CREBZF: variants seen among roughly 807,000 people sequenced by gnomAD.
The protein encoded by CREBZF is CREB/ATF bZIP transcription factor, also known as HCF-binding transcription factor Zhangfei.
In CREBZF, 8 loss-of-function variants were observed where a neutral mutation model predicts 21.1. The ratio of observed to expected loss-of-function variants is 0.38; its 90% CI spans 0.22 to 0.68. The LOEUF (loss-of-function observed/expected upper bound fraction) is 0.68. Ranked by LOEUF, CREBZF falls within the 30% of genes least tolerant of loss-of-function variation. The pLI, the probability that CREBZF is intolerant of heterozygous loss-of-function variation, is 0.51. For synonymous variants in CREBZF, 270 were observed against 223.3 expected (o/e 1.21, Z -1.86); for missense variants, 518 against 484.3 (o/e 1.07, Z -0.65).
At position 85,664,705 on chromosome 11, in the gene CREBZF, A is replaced by G; in HGVS notation, c.171T>C (p.Phe57=). 1 of 1,603,846 alleles carries G rather than the reference A, an allele frequency of 6.2e-7. No individual in the cohort carries two copies. The highest frequency in any genetic ancestry group is 1.7e-4 in the Middle Eastern group (1 of 5,974). Residue 57 remains phenylalanine (F), a synonymous_variant, in exon 1 of 1, where the codon TTT becomes TTC. Coordinates refer to ENST00000527447, the MANE Select transcript of CREBZF (RefSeq NM_001039618.4). The surrounding 1 kb of genome is among the most constrained non-coding windows in gnomAD (Gnocchi z 5.5). Reference sequence around the variant, plus strand: ...CGGCTTCCAACTCTCCTTCGTCGCCAAACTGCTGCTTGCGGCCGGGAGATC... The same window carrying G: ...CGGCTTCCAACTCTCCTTCGTCGCCGAACTGCTGCTTGCGGCCGGGAGATC... ...AAGSPGRKQQ[F]GDEGELEAGR...
rs1025693757 is a variant in CREBZF at position 85,660,910 on chromosome 11, A to C, written c.*2901T>G. The stretch of plus-strand genomic sequence containing the variant: ...CAGAGGCACATTTAGAAGAAAAACA[A>C]AAGGGTCACCCAAATACTAAATTGT... On this transcript the variant is annotated 3_prime_UTR_variant, in exon 1 of 1. Transcript: ENST00000527447. 1 of 169,318 alleles carries C rather than the reference A, an allele frequency of 5.9e-6. No individual in the cohort carries two copies. The highest frequency in any genetic ancestry group is 2.4e-5 in the African/African-American group (1 of 41,524). 10.5% of individuals were successfully genotyped at this position (169,318 alleles called of 1,614,324 possible).
upstream of CREBZF, among the ~76,000 whole-genome samples, chr11:85,669,038 A>AAAAAAAAAAAAAAG (rs2082892670): frequency 7.8e-6 from 1 of 128,706 alleles, no homozygotes; most frequent in African/African-American, 2.9e-5. Flanking sequence ...AAAAAAAAAA[A>AAAAAAAAAAAAAAG]AAAGAAACAT....
At chr11:85,672,163 C>A (rs1013987508) in intron 1 of CREBZF, among the ~76,000 whole-genome samples, 2 of 152,274 alleles carry the variant, frequency 1.3e-5, no homozygotes, top group African/African-American at 4.8e-5. Context: ...CCCTCTGAAG[C>A]CATAGCCTGA....
intron 1 of CREBZF, among the ~76,000 whole-genome samples, chr11:85,670,307 T>C (rs2082903744): frequency 2.3e-5 from 1 of 44,002 alleles, no homozygotes; most frequent in Non-Finnish European, 3.9e-5. Flanking sequence ...GTTCTTTTTT[T>C]TTTTTTTTTT....
At chr11:85,680,243 T>G (rs1295625510) in intron 1 of CREBZF, among the ~76,000 whole-genome samples, 2 of 152,260 alleles carry the variant, frequency 1.3e-5, no homozygotes, top group African/African-American at 4.8e-5. Context: ...ATCAATACAT[T>G]AACAGCTTCC....
At chr11:85,679,260 A>T (rs903070972) in intron 1 of CREBZF, among the ~76,000 whole-genome samples, 1 of 152,154 alleles carries the variant, frequency 6.6e-6, no homozygotes, top group South Asian at 2.1e-4. Flanking sequence ...TCACTCCTAC[A>T]TTAGGCTGGA....
rs375013609 is a variant in CREBZF at position 85,674,404 on chromosome 11, G to C, written n.147+8313C>G. Among the ~76,000 whole-genome samples the C allele has an allele frequency of 5.3e-5, 8 of 152,278 alleles. No homozygotes were observed. In the East Asian group the frequency reaches 1.5e-3, roughly 29 times the overall value. On this transcript the variant is annotated intron_variant and non_coding_transcript_variant, in intron 1 of 3. Transcript: ENST00000531515. ...TCTGAGCAGCAGTTCTCAACAGTGG[G>C]CTTAAAATATTCAGTAAACCACACT...
rs746885438 is a variant in CREBZF at position 85,660,432 on chromosome 11, A to C, written c.*3379T>G. The C allele has an allele frequency of 6.3e-5, 19 of 303,506 alleles. No homozygotes were observed. Among genetic ancestry groups the C allele is most frequent in the African/African-American group, 1.1e-4 (5 of 44,122 alleles). 18.8% of individuals were successfully genotyped at this position (303,506 alleles called of 1,614,324 possible). The stretch of plus-strand genomic sequence containing the variant: ...ATCTTTTCATATCTCCATTTCTGGA[A>C]AGTGAAATCAGTATAGAAGTAATTT... On this transcript the variant is annotated 3_prime_UTR_variant, in exon 1 of 1. Coordinates refer to ENST00000527447, the MANE Select transcript of CREBZF (RefSeq NM_001039618.4).
At chr11:85,680,246 CA>C (rs1371517411) in intron 1 of CREBZF, among the ~76,000 whole-genome samples, 8 of 152,206 alleles carry the variant, frequency 5.3e-5, no homozygotes, top group Non-Finnish European at 1.2e-4. Context: ...AATACATTAA[CA>C]GCTTCCTTTT....
rs528150107 is a variant in CREBZF, at chr11:85,663,778, G to A, written c.*33C>T. ...GACATGGTGTAAGGGAGTTGAAAGG[G>A]GTAAACGCGGATAAAGAGCAGATTA... On this transcript the variant is annotated 3_prime_UTR_variant, in exon 1 of 1. Coordinates refer to ENST00000527447, the MANE Select transcript of CREBZF (RefSeq NM_001039618.4). The A allele has an allele frequency of 6.3e-7, 1 of 1,581,566 alleles. No individual in the cohort carries two copies. The highest frequency in any genetic ancestry group is 1.2e-5 in the South Asian group (1 of 85,886).
At position 85,664,168 on chromosome 11, in the gene CREBZF, G is replaced by A; in HGVS notation, c.708C>T (p.Val236=). The A allele has an allele frequency of 6.2e-7, 1 of 1,613,448 alleles. No homozygotes were observed. Among genetic ancestry groups the A allele is most frequent in the Non-Finnish European group, 8.5e-7 (1 of 1,180,012 alleles). ...CCTGGTTCTCGGCTGCCAGACCCCGGACTCGACTCTCCAGCCCCATCACGT... is the reference window on the plus strand; with the variant it reads ...CCTGGTTCTCGGCTGCCAGACCCCGAACTCGACTCTCCAGCCCCATCACGT... ...KEYVMGLESR[V]RGLAAENQEL... Residue 236 remains valine (V), a synonymous_variant, in exon 1 of 1, where the codon GTC becomes GTT. Transcript: ENST00000527447. The surrounding 1 kb of genome is among the most constrained non-coding windows in gnomAD (Gnocchi z 5.5).
Position 85,659,244 on chromosome 11 carries a change from A to G in CREBZF, c.*4567T>C, listed in dbSNP as rs56687664. On this transcript the variant is annotated 3_prime_UTR_variant, in exon 1 of 1. Coordinates refer to ENST00000527447, the MANE Select transcript of CREBZF (RefSeq NM_001039618.4). Reference sequence around the variant, plus strand: ...AAGAGTCATCAGATTATTTAGCTTTAAAATTTTACTAAATCAGACCTTAAA... The same window carrying G: ...AAGAGTCATCAGATTATTTAGCTTTGAAATTTTACTAAATCAGACCTTAAA... Among the ~76,000 whole-genome samples the G allele has an allele frequency of 0.061, 9,337 of 152,138 alleles. 935 individuals are homozygous for G. The highest frequency in any genetic ancestry group is 0.21 in the African/African-American group (8,887 of 41,508).
In CREBZF at chr11:85,659,324, A is replaced by G. The variant is rs2082608817; in HGVS notation, c.*4487T>C. Among the ~76,000 whole-genome samples, 1 of 152,090 alleles carries G rather than the reference A, an allele frequency of 6.6e-6. No homozygotes were observed. Among genetic ancestry groups the G allele is most frequent in the South Asian group, 2.1e-4 (1 of 4,834 alleles). On this transcript the variant is annotated 3_prime_UTR_variant, in exon 1 of 1. Coordinates refer to ENST00000527447, the MANE Select transcript of CREBZF (RefSeq NM_001039618.4). Reference sequence around the variant, plus strand: ...TCACATATTAAAAAGGTAATGACTCATTATCAGTGAATTACCCAGTCTGTT... The same window carrying G: ...TCACATATTAAAAAGGTAATGACTCGTTATCAGTGAATTACCCAGTCTGTT...
intron 1 of CREBZF, among the ~76,000 whole-genome samples, chr11:85,675,329 G>A (rs2082935490): frequency 6.6e-6 from 1 of 152,136 alleles, no homozygotes; most frequent in South Asian, 2.1e-4. Flanking sequence ...TCTTTCACTT[G>A]AACACTTAGA....
At position 85,658,704 on chromosome 11, in the gene CREBZF, A is replaced by G. The variant is rs1259604795; in HGVS notation, c.*5107T>C. 1.3e-5 allele frequency among the ~76,000 whole-genome samples: 2 copies of G among 151,980 alleles called. No homozygotes were observed. The highest frequency in any genetic ancestry group is 4.8e-5 in the African/African-American group (2 of 41,424). ...TTAAATTAAGACAATATATTTTATAAAGCCCAAATTATAGTACACTAAGAG... is the reference window on the plus strand; with the variant it reads ...TTAAATTAAGACAATATATTTTATAGAGCCCAAATTATAGTACACTAAGAG... On this transcript the variant is annotated 3_prime_UTR_variant, in exon 1 of 1. Transcript: ENST00000527447.
rs962047831 is a variant in CREBZF, at chr11:85,665,022, G to A, written c.-147C>T. The A allele has an allele frequency of 1.0e-4, 52 of 519,034 alleles. No individual in the cohort carries two copies. In the African/African-American group the frequency reaches 1.0e-3, roughly 10 times the overall value. The allele number at this position is 519,034 out of a possible 1,614,324, so 32.2% of individuals were successfully genotyped here. ...GTCCGAGTCGCCTCCCGCCTCACTT[G>A]GCTAGTCGACCCCCCGCGCCAAGGC... On this transcript the variant is annotated 5_prime_UTR_variant, in exon 1 of 1. Coordinates refer to ENST00000527447, the MANE Select transcript of CREBZF (RefSeq NM_001039618.4).
intron 1 of CREBZF, among the ~76,000 whole-genome samples, chr11:85,671,539 A>C (rs762924776): frequency 6.6e-6 from 1 of 152,230 alleles, no homozygotes; most frequent in Non-Finnish European, 1.5e-5. Flanking sequence ...ATCAAAAGCA[A>C]GTTAGTTACT....
chr11:85,665,749 T>C (rs965770902), upstream of CREBZF, among the ~76,000 whole-genome samples: 5 of 152,152 alleles, frequency 3.3e-5, no homozygotes, highest in African/African-American at 1.2e-4. Context: ...TTTTTGTAAG[T>C]AGATGTTTTC....
rs1032507189 is a variant in CREBZF, at chr11:85,664,598, C to G, written c.278G>C (p.Gly93Ala). ...AAAGTCCATATCCTCCGTCTCTTCC[C>G]CCGGGAGGCTGGCGATCGCCTCCTC... Reference protein sequence around the residue: ...MEEEAIASLPGEETEDMDFLS... With the variant: ...MEEEAIASLPAEETEDMDFLS... Residue 93 changes from glycine to alanine, a missense_variant, in exon 1 of 1, where the codon GGG becomes GCG. Gly to Ala is a moderately conservative substitution (Grantham distance 60). Transcript: ENST00000527447. This position sits in a 1 kb window ranked among gnomAD's most constrained non-coding sequence, Gnocchi z 5.5. The G allele has an allele frequency of 6.2e-7, 1 of 1,613,832 alleles. No individual in the cohort carries two copies. Among genetic ancestry groups the G allele is most frequent in the Non-Finnish European group, 8.5e-7 (1 of 1,179,920 alleles).
Sources: gnomAD v4.1 joint callset for allele counts (sites outside exome capture counted in the v4.1 genomes callset) on GRCh38, gnomAD v4.1.1 for gene constraint, Gnocchi (gnomAD v3.1) non-coding constraint, MANE v1.5 for transcripts, NCBI Gene and HGNC (gene_info 2026-07-23, HGNC 2026-07-21) for gene names.